ARHGAP44: variants seen among roughly 807,000 people sequenced by gnomAD.
ARHGAP44 encodes the protein rho GTPase-activating protein 44.
ARHGAP44 carries 43 observed loss-of-function variants against 106.8 expected under a neutral mutation model. The ratio of observed to expected loss-of-function variants is 0.40; its 90% CI spans 0.32 to 0.52. The LOEUF is 0.52. Ranked by LOEUF, ARHGAP44 falls within the 20% of genes least tolerant of loss-of-function variation. ARHGAP44 has a pLI of 0.48. For synonymous variants in ARHGAP44, 439 were observed against 410.3 expected (o/e 1.07, Z -0.85); for missense variants, 866 against 1,050.5 (o/e 0.82, Z 2.43).
chr17:12,935,628 A>G (rs1039050875), intron 7 of ARHGAP44, among the ~76,000 whole-genome samples: 1 of 152,108 alleles, frequency 6.6e-6, no homozygotes, highest in South Asian at 2.1e-4. Context: ...GATAAAGGTG[A>G]GATAAAATTG....
chr17:12,896,794 G>A (rs934911828), intron 3 of ARHGAP44, among the ~76,000 whole-genome samples: 2 of 152,176 alleles, frequency 1.3e-5, no homozygotes, highest in African/African-American at 2.4e-5. Context: ...CGGCAGGGGC[G>A]TGCTTGAGAT....
intron 1 of ARHGAP44, among the ~76,000 whole-genome samples, chr17:12,852,848 T>C (rs1267428424): frequency 6.6e-6 from 1 of 152,190 alleles, no homozygotes; most frequent in African/African-American, 2.4e-5. Flanking sequence ...GCTTGTTTGC[T>C]GTGTTTAAAA....
intron 17 of ARHGAP44, 66 bp downstream of exon 17, chr17:12,973,385 T>C: frequency 6.5e-7 from 1 of 1,536,976 alleles, no homozygotes; most frequent in Non-Finnish European, 8.9e-7. Context: ...CTATGCATCG[T>C]AGTGAGTTCC....
chr17:12,990,579 T>C lies in ARHGAP44; in HGVS notation c.*408T>C, dbSNP rs954511761. The C allele has an allele frequency of 5.7e-6, 1 of 175,380 alleles. No individual in the cohort carries two copies. Among genetic ancestry groups the C allele is most frequent in the African/African-American group, 2.3e-5 (1 of 43,146 alleles). The allele number at this position is 175,380 out of a possible 1,614,324, so 10.9% of individuals were successfully genotyped here. A position where few individuals can be genotyped will look rare whatever the true frequency, so the allele number is the denominator to read the frequency against. ...CTACCTTTTCCTTGGACGGCTCATG[T>C]CAGGTCTTGCAGGATCAGTTTAATG... On this transcript the variant is annotated 3_prime_UTR_variant, in exon 21 of 21. Transcript: ENST00000379672.
chr17:12,860,036 A>C (rs528977882), intron 1 of ARHGAP44, among the ~76,000 whole-genome samples: 1 of 152,306 alleles, frequency 6.6e-6, no homozygotes, highest in Non-Finnish European at 1.5e-5. Context: ...TGCCTAGCAG[A>C]AAAGCAGACT....
rs778523569 is a variant in ARHGAP44, at chr17:12,955,964, T to C, written c.1234T>C (p.Trp412Arg). ...AATTGTTTTAGGACCCAACCTCCTA[T>C]GGCCACAAGCAGAAGGGTAAGTACA... The part of the protein sequence containing the change: ...MAIVLGPNLL[W>R]PQAEGNITEM... The change falls in exon 14 of 21, where the codon TGG becomes CGG. Residue 412 changes from tryptophan (W) to arginine (R), a missense_variant. This residue lies in a region of ARHGAP44 where 448 missense variants were observed against 646.9 expected (regional missense o/e 0.69). Transcript: ENST00000379672. 1.9e-6 allele frequency: 3 copies of C among 1,612,726 alleles called. No homozygotes were observed. The highest frequency in any genetic ancestry group is 1.1e-5 in the South Asian group (1 of 91,006).
chr17:12,853,418 G>A (rs2035820370), intron 1 of ARHGAP44, among the ~76,000 whole-genome samples: 1 of 152,168 alleles, frequency 6.6e-6, no homozygotes, highest in Non-Finnish European at 1.5e-5. Context: ...ACAGAAGGAG[G>A]TGGGGACAAA....
chr17:12,814,654 T>C (rs2034544874), intron 1 of ARHGAP44, among the ~76,000 whole-genome samples: 1 of 151,928 alleles, frequency 6.6e-6, no homozygotes. Flanking sequence ...GGAATATATG[T>C]TTATATGCAT....
chr17:12,864,267 T>A (rs2036172151), intron 1 of ARHGAP44, among the ~76,000 whole-genome samples: 1 of 152,216 alleles, frequency 6.6e-6, no homozygotes, highest in Non-Finnish European at 1.5e-5. Context: ...AGCTTAGTTT[T>A]TCATTTGTGT....
intron 3 of ARHGAP44, among the ~76,000 whole-genome samples, chr17:12,905,300 A>G (rs926634393): frequency 6.6e-6 from 1 of 152,156 alleles, no homozygotes; most frequent in Non-Finnish European, 1.5e-5. Flanking sequence ...GAATTCACTT[A>G]ATTCTGTCCT....
In ARHGAP44 at chr17:12,949,671, A is replaced by G. The variant is rs2038946226; in HGVS notation, c.996A>G (p.Arg332=). The G allele has an allele frequency of 1.2e-6, 2 of 1,613,764 alleles. No homozygotes were observed. The highest frequency in any genetic ancestry group is 2.2e-5 in the East Asian group (1 of 44,892). ...TAGGAGCTTTGAAATCTTACCTCCG[A>G]GAGTTGCCAGAACCTCTTATGACCT... ...AIAGALKSYL[R]ELPEPLMTFE... is the part of the protein sequence containing the mutation. Residue 332 remains arginine, a synonymous_variant, in exon 12 of 21, where the codon CGA becomes CGG. Coordinates refer to ENST00000379672, the MANE Select transcript of ARHGAP44 (RefSeq NM_014859.6). The surrounding 1 kb of genome is among the most constrained non-coding windows in gnomAD (Gnocchi z 4.1).
At position 12,991,146 on chromosome 17, in the gene ARHGAP44, C is replaced by G. The variant is rs754773312; in HGVS notation, c.*975C>G. ...GGCCTGCTTTGCTCACCAGCGTCAG[C>G]CGCTCATTTCCTTCTCATGAAGTCC... is the stretch of plus-strand genomic sequence containing the variant. On this transcript the variant is annotated 3_prime_UTR_variant, in exon 21 of 21. Coordinates refer to ENST00000379672, the MANE Select transcript of ARHGAP44 (RefSeq NM_014859.6). The G allele has an allele frequency of 6.6e-6, 1 of 152,642 alleles. No homozygotes were observed. The highest frequency in any genetic ancestry group is 2.4e-5 in the African/African-American group (1 of 41,458). 9.5% of individuals were successfully genotyped at this position (152,642 alleles called of 1,614,324 possible).
chr17:12,882,193 T>C (rs1339533525), intron 1 of ARHGAP44, among the ~76,000 whole-genome samples: 4 of 152,194 alleles, frequency 2.6e-5, no homozygotes, highest in Non-Finnish European at 4.4e-5. Context: ...AATTTTTCCC[T>C]ATGAAGACAT....
At position 12,984,786 on chromosome 17, in the gene ARHGAP44, C is replaced by T. The variant is rs148180360; in HGVS notation, c.2195C>T (p.Pro732Leu). The change falls in exon 20 of 21, where the codon CCG becomes CTG. Residue 732 changes from proline to leucine, a missense_variant. Transcript: ENST00000379672. ...TLSKSRPTPKPRQRPTLPPPQ... is the reference protein window; with the variant it reads ...TLSKSRPTPKLRQRPTLPPPQ... ...AGCAAATCGCGGCCCACTCCTAAGC[C>T]GCGACAGAGACCTACTCTGCCGCCT... 198 of 1,613,992 alleles carry T rather than the reference C, an allele frequency of 1.2e-4. No homozygotes were observed. In the East Asian group the frequency reaches 2.3e-3, roughly 19 times the overall value.
chr17:12,975,272 T>C (rs975180167), intron 18 of ARHGAP44, among the ~76,000 whole-genome samples: 26 of 152,204 alleles, frequency 1.7e-4, no homozygotes, highest in African/African-American at 6.0e-4. Flanking sequence ...AAGTTTACAA[T>C]TTCTGTGTTT....
At chr17:12,937,830 G>C (rs1445452759) in intron 7 of ARHGAP44, among the ~76,000 whole-genome samples, 3 of 152,124 alleles carry the variant, frequency 2.0e-5, no homozygotes, top group Admixed American at 1.3e-4. Flanking sequence ...GCCAGGCGTG[G>C]TGGCTCACAC....
At chr17:12,970,383 A>AAAGAAAAG (rs1555565455) in intron 16 of ARHGAP44, among the ~76,000 whole-genome samples, 20 of 140,308 alleles carry the variant, frequency 1.4e-4, no homozygotes, top group African/African-American at 2.1e-4. Flanking sequence ...AAAAAAAAAA[A>AAAGAAAAG]AAAAAGAAAA....
intron 1 of ARHGAP44, among the ~76,000 whole-genome samples, chr17:12,883,112 T>A (rs2036785199): frequency 6.6e-6 from 1 of 151,796 alleles, no homozygotes; most frequent in Non-Finnish European, 1.5e-5. Flanking sequence ...GACTCAGGCT[T>A]CCTCTGTATT....
chr17:12,932,025 G>T (rs9911589), intron 7 of ARHGAP44, among the ~76,000 whole-genome samples: 10 of 151,792 alleles, frequency 6.6e-5, no homozygotes, highest in African/African-American at 2.4e-4. Context: ...TTTTCTATAG[G>T]ATAGATTCCA....
Sources: allele counts gnomAD v4.1 joint callset (sites outside exome capture counted in the v4.1 genomes callset), GRCh38; gene constraint gnomAD v4.1.1; regional missense constraint gnomAD v4.1.1; non-coding constraint Gnocchi (gnomAD v3.1); transcripts MANE v1.5; gene names NCBI Gene and HGNC (gene_info 2026-07-23, HGNC 2026-07-21).